KIF2A: variants seen among roughly 807,000 people sequenced by gnomAD.
KIF2A encodes kinesin family member 2A.
A neutral mutation model predicts 100.2 loss-of-function variants in KIF2A; 22 were observed. The observed-to-expected ratio is 0.22, with a 90% CI of 0.16 to 0.31. The LOEUF (loss-of-function observed/expected upper bound fraction) is 0.31. Among genes scored for constraint, KIF2A ranks in the 10% least tolerant of loss-of-function variants. KIF2A has a pLI of 1.00. For missense variants in KIF2A, 495 were observed against 898.7 expected (o/e 0.55, Z 5.74); for synonymous variants, 268 against 285.9 (o/e 0.94, Z 0.63).
chr5:62,337,790 A>G (rs1013170029), intron 1 of KIF2A, among the ~76,000 whole-genome samples: 8 of 151,850 alleles, frequency 5.3e-5, no homozygotes, highest in Non-Finnish European at 1.5e-5. Flanking sequence ...CAGCCTGGGC[A>G]CAGAGAGAGA....
At chr5:62,339,295 C>T (rs1401351158) in intron 1 of KIF2A, among the ~76,000 whole-genome samples, 1 of 151,444 alleles carries the variant, frequency 6.6e-6, no homozygotes, top group East Asian at 2.0e-4. Flanking sequence ...GGGGATGGTG[C>T]ACTCATCACC....
chr5:62,313,153 T>A (rs538070987), intron 1 of KIF2A, among the ~76,000 whole-genome samples: 85 of 152,320 alleles, frequency 5.6e-4, no homozygotes, highest in Non-Finnish European at 9.1e-4. Context: ...AATAAGTGAT[T>A]CATCTATAGT....
intron 6 of KIF2A, among the ~76,000 whole-genome samples, chr5:62,354,563 A>T (rs1748004374): frequency 6.6e-6 from 1 of 152,140 alleles, no homozygotes. Context: ...GCATTCAAAA[A>T]TTTGAATTTT....
At position 62,348,121 on chromosome 5, in the gene KIF2A, C is replaced by T. The variant is rs1747669348; in HGVS notation, c.233C>T (p.Thr78Ile). 1 of 1,613,842 alleles carries T rather than the reference C, an allele frequency of 6.2e-7. No homozygotes were observed. ...PDEEIEPSPE[T>I]PPPPASSAKV... ...GAAGAAATTGAACCCAGTCCAGAAA[C>T]ACCTCCACCTCCAGCATCCTCAGCC... Residue 78 changes from threonine (T) to isoleucine (I), a missense_variant, in exon 3 of 21, where the codon ACA (threonine) becomes ATA (isoleucine). This residue lies in a region of KIF2A where 115 missense variants were observed against 143.6 expected (regional missense o/e 0.80). Coordinates refer to ENST00000407818, the MANE Select transcript of KIF2A (RefSeq NM_001098511.3).
intron 20 of KIF2A, among the ~76,000 whole-genome samples, chr5:62,385,034 C>T (rs1052611999): frequency 4.6e-5 from 7 of 151,844 alleles, no homozygotes; most frequent in South Asian, 2.1e-4. Flanking sequence ...CCCAGCTACT[C>T]GGGAAGCTGA....
chr5:62,308,177 C>A, intron 1 of KIF2A: 2 of 337,848 alleles, frequency 5.9e-6, no homozygotes, highest in Non-Finnish European at 1.1e-5. Context: ...TAAATTATAC[C>A]GCTTAGAGCT....
intron 1 of KIF2A, among the ~76,000 whole-genome samples, chr5:62,315,034 A>T (rs1480657105): frequency 1.3e-5 from 2 of 151,972 alleles, no homozygotes; most frequent in African/African-American, 4.8e-5. Flanking sequence ...AAGTGTTGGG[A>T]TTATAGGTGT....
intron 1 of KIF2A, among the ~76,000 whole-genome samples, chr5:62,321,629 G>A (rs763957032): frequency 9.2e-5 from 14 of 152,122 alleles, no homozygotes; most frequent in Non-Finnish European, 1.5e-4. Context: ...ATGGTGTGAT[G>A]TCAGTTCACT....
At chr5:62,317,144 GT>G (rs1235891154) in intron 1 of KIF2A, among the ~76,000 whole-genome samples, 2 of 151,964 alleles carry the variant, frequency 1.3e-5, no homozygotes, top group Non-Finnish European at 2.9e-5. Flanking sequence ...TGCCTCCCGA[GT>G]TCAAGCAATT....
In KIF2A at chr5:62,367,913, C is replaced by G. The variant is rs907674269; in HGVS notation, c.1646+1432C>G. Among the ~76,000 whole-genome samples the G allele has an allele frequency of 2.6e-5, 4 of 152,144 alleles. 1 individual carries two copies. The highest frequency in any genetic ancestry group is 2.6e-4 in the Admixed American group (4 of 15,276). Reference sequence around the variant, plus strand: ...TCTTTGTAATCCATTTCTAGTATAGCAGTTCTCTTAATTCAAGTATAGCAG... The same window carrying G: ...TCTTTGTAATCCATTTCTAGTATAGGAGTTCTCTTAATTCAAGTATAGCAG... On this transcript the variant is annotated intron_variant, in intron 16 of 20. Transcript: ENST00000407818.
In KIF2A at chr5:62,388,889, T is replaced by C. The variant is rs1254241382; in HGVS notation, c.*3320T>C. The C allele has an allele frequency of 3.2e-6, 3 of 939,712 alleles. No homozygotes were observed. Among genetic ancestry groups the C allele is most frequent in the African/African-American group, 1.7e-5 (1 of 59,454 alleles). The allele number at this position is 939,712 out of a possible 1,614,324, so 58.2% of individuals were successfully genotyped here. On this transcript the variant is annotated 3_prime_UTR_variant, in exon 21 of 21. Transcript: ENST00000407818. ...ATAAATGGTGACAACAGTAGTAGTA[T>C]TGAACCAAAAATAGTCAAGTAAATA...
rs577929000 is a variant in KIF2A, at chr5:62,349,767, T to A, written c.280-299T>A. Among the ~76,000 whole-genome samples, 26 of 152,328 alleles carry A rather than the reference T, an allele frequency of 1.7e-4. No individual in the cohort carries two copies. In the East Asian group the frequency reaches 4.8e-3, roughly 28 times the overall value. On this transcript the variant is annotated intron_variant, in intron 3 of 20. Transcript: ENST00000407818. ...TTAACCTCTCTTTGTTTCAGTTTCC[T>A]CATCGATGAGATGGGAATAGCAGTA...
chr5:62,335,836 T>A lies in KIF2A; in HGVS notation c.65-11294T>A, dbSNP rs1441497405. On this transcript the variant is annotated intron_variant, in intron 1 of 20. Transcript: ENST00000407818. The stretch of plus-strand genomic sequence containing the variant: ...GTACTAATTTATGTTTACAACTAGA[T>A]TGAAACAAAATGGAAGACTTTTAAA... 3.9e-5 allele frequency among the ~76,000 whole-genome samples: 6 copies of A among 152,320 alleles called. No homozygotes were observed. The East Asian group carries it at 7.7e-4, about 20-fold the overall frequency.
intron 1 of KIF2A, among the ~76,000 whole-genome samples, chr5:62,321,661 C>T (rs77769056): frequency 0.089 from 13,566 of 152,212 alleles, 758 homozygotes; most frequent in African/African-American, 0.16. Flanking sequence ...CTCCTGGGCT[C>T]AACTGATCCT....
intron 1 of KIF2A, among the ~76,000 whole-genome samples, chr5:62,338,773 A>G (rs1271377918): frequency 6.6e-6 from 1 of 152,146 alleles, no homozygotes; most frequent in East Asian, 1.9e-4. Flanking sequence ...ATAAGCCACA[A>G]CTTTGTAGAA....
intron 1 of KIF2A, among the ~76,000 whole-genome samples, chr5:62,343,165 A>G (rs1747387342): frequency 6.6e-6 from 1 of 152,184 alleles, no homozygotes. Context: ...CAAATGACAC[A>G]TATCACTTCC....
In KIF2A at chr5:62,341,452, C is replaced by G. The variant is rs920780001; in HGVS notation, c.65-5678C>G. On this transcript the variant is annotated intron_variant, in intron 1 of 20. Coordinates refer to ENST00000407818, the MANE Select transcript of KIF2A (RefSeq NM_001098511.3). ...AGTTGCTGGGCCTGTAGGTGGACACCACCATGCCCTGTTGATTTTTAAATT... is the reference window on the plus strand; with the variant it reads ...AGTTGCTGGGCCTGTAGGTGGACACGACCATGCCCTGTTGATTTTTAAATT... Among the ~76,000 whole-genome samples, 6 of 151,202 alleles carry G rather than the reference C, an allele frequency of 4.0e-5. No individual in the cohort carries two copies. The Admixed American group carries it at 4.0e-4, about 10-fold the overall frequency.
intron 3 of KIF2A, 109 bp downstream of exon 3, chr5:62,348,276 T>A (rs1169318758): frequency 8.6e-7 from 1 of 1,161,716 alleles, no homozygotes; most frequent in Non-Finnish European, 1.2e-6. Context: ...AAGAATTGAT[T>A]AATTTGCTTT....
At chr5:62,369,763 G>C (rs1580088925) in intron 16 of KIF2A, among the ~76,000 whole-genome samples, 2 of 151,824 alleles carry the variant, frequency 1.3e-5, no homozygotes, top group Non-Finnish European at 2.9e-5. Context: ...TGAGGTGGTG[G>C]GTAGGTGGCA....
Sources: allele counts gnomAD v4.1 joint callset (sites outside exome capture counted in the v4.1 genomes callset), GRCh38; gene constraint gnomAD v4.1.1; regional missense constraint gnomAD v4.1.1; transcripts MANE v1.5; gene names NCBI Gene and HGNC (gene_info 2026-07-23, HGNC 2026-07-21).